Variants in KIAA1328 observed in about 807,000 individuals in gnomAD.
KIAA1328 encodes the protein protein hinderin.
A neutral mutation model predicts 68.1 loss-of-function variants in KIAA1328; 52 were observed. The ratio of observed to expected loss-of-function variants is 0.76; its 90% CI spans 0.61 to 0.96. The LOEUF is 0.96. KIAA1328 is among the 40% of genes least tolerant of loss of function. The probability of loss-of-function intolerance (pLI) is 0.00; values close to 1 mark genes in which losing one functional copy is unlikely to be tolerated. For synonymous variants in KIAA1328, 232 were observed against 239.4 expected (o/e 0.97, Z 0.28); for missense variants, 641 against 677.6 (o/e 0.95, Z 0.60).
intron 5 of KIAA1328, among the ~76,000 whole-genome samples, chr18:36,899,215 A>T (rs1291018516): frequency 2.0e-5 from 3 of 151,832 alleles, no homozygotes; most frequent in Non-Finnish European, 4.4e-5. Context: ...TGCTTTTACT[A>T]ATCATGAATG....
chr18:37,041,045 C>G (rs928368604), intron 6 of KIAA1328, among the ~76,000 whole-genome samples: 1 of 151,780 alleles, frequency 6.6e-6, no homozygotes, highest in African/African-American at 2.4e-5. Context: ...GTAGAGCAAT[C>G]TATAGATAAC....
intron 7 of KIAA1328, among the ~76,000 whole-genome samples, chr18:37,089,371 CTT>C (rs3085910): frequency 0.09 from 8,556 of 94,740 alleles, 966 homozygotes; most frequent in African/African-American, 0.37. Context: ...AAGGTAGTGG[CTT>C]TTTTTTTTTT....
At chr18:36,918,339 C>T (rs2049787986) in intron 5 of KIAA1328, among the ~76,000 whole-genome samples, 2 of 151,310 alleles carry the variant, frequency 1.3e-5, no homozygotes, top group South Asian at 2.1e-4. Context: ...TCCTTCCTTC[C>T]ATTTACTTTG....
intron 6 of KIAA1328, among the ~76,000 whole-genome samples, chr18:37,050,010 A>T (rs1050886482): frequency 2.6e-5 from 4 of 152,148 alleles, no homozygotes; most frequent in African/African-American, 9.7e-5. Flanking sequence ...ATGTATTAGA[A>T]TTTTTTGTTA....
At chr18:37,095,376 A>T (rs1415233972) in intron 7 of KIAA1328, among the ~76,000 whole-genome samples, 1 of 152,212 alleles carries the variant, frequency 6.6e-6, no homozygotes, top group African/African-American at 2.4e-5. Flanking sequence ...ATCATATGAA[A>T]TATTTTATCT....
intron 6 of KIAA1328, among the ~76,000 whole-genome samples, chr18:37,025,914 A>C (rs932885773): frequency 6.6e-6 from 1 of 152,190 alleles, no homozygotes; most frequent in Non-Finnish European, 1.5e-5. Context: ...AAAACCCTTC[A>C]AAAAATCAAT....
At chr18:36,834,432 A>C (rs998445096) in intron 2 of KIAA1328, 77 bp downstream of exon 2, 31 of 1,278,244 alleles carry the variant, frequency 2.4e-5, no homozygotes, top group Non-Finnish European at 3.1e-5. Context: ...CTATTAGAAC[A>C]ATGTTGCGGG....
intron 7 of KIAA1328, among the ~76,000 whole-genome samples, chr18:37,116,853 T>A (rs2058124053): frequency 1.3e-5 from 2 of 152,112 alleles, no homozygotes; most frequent in Non-Finnish European, 2.9e-5. Context: ...GGGTGAAGGA[T>A]ATGAACAGAC....
chr18:36,862,590 T>C (rs1247645285), intron 4 of KIAA1328, among the ~76,000 whole-genome samples: 1 of 152,226 alleles, frequency 6.6e-6, no homozygotes, highest in African/African-American at 2.4e-5. Flanking sequence ...TACTGCAGTT[T>C]GTTTAATCAT....
intron 6 of KIAA1328, among the ~76,000 whole-genome samples, chr18:36,972,556 C>T (rs2052271289): frequency 6.6e-6 from 1 of 152,090 alleles, no homozygotes; most frequent in African/African-American, 2.4e-5. Context: ...AATGTAAGTT[C>T]CAAAACTTCG....
At chr18:37,104,779 A>G (rs901793194) in intron 7 of KIAA1328, among the ~76,000 whole-genome samples, 2 of 152,194 alleles carry the variant, frequency 1.3e-5, no homozygotes, top group Non-Finnish European at 2.9e-5. Flanking sequence ...AATATGTAAC[A>G]ATAAAAAATG....
At chr18:37,117,974 A>G (rs1273554574) in intron 7 of KIAA1328, among the ~76,000 whole-genome samples, 1 of 150,662 alleles carries the variant, frequency 6.6e-6, no homozygotes, top group East Asian at 1.9e-4. Flanking sequence ...AACTGGTCCC[A>G]TGGCCATAAC....
intron 7 of KIAA1328, among the ~76,000 whole-genome samples, chr18:37,154,302 A>G (rs2059106987): frequency 6.6e-6 from 1 of 152,198 alleles, no homozygotes; most frequent in African/African-American, 2.4e-5. Context: ...TGTATTGCCA[A>G]GCTGTGAATC....
intron 5 of KIAA1328, among the ~76,000 whole-genome samples, chr18:36,919,157 T>G (rs1480916421): frequency 6.6e-6 from 1 of 152,220 alleles, no homozygotes; most frequent in African/African-American, 2.4e-5. Flanking sequence ...TGATCTATTT[T>G]ATCATCATGA....
intron 5 of KIAA1328, among the ~76,000 whole-genome samples, chr18:36,918,984 G>A (rs761537822): frequency 1.1e-4 from 17 of 152,124 alleles, no homozygotes; most frequent in African/African-American, 4.1e-4. Context: ...AGTATGTAGT[G>A]TATCTTGATG....
At chr18:37,014,230 T>C (rs1284037542) in intron 6 of KIAA1328, among the ~76,000 whole-genome samples, 1 of 152,240 alleles carries the variant, frequency 6.6e-6, no homozygotes, top group Non-Finnish European at 1.5e-5. Context: ...TTACAAATTA[T>C]GGATATTAGA....
At chr18:37,107,263 T>A (rs2057800744) in intron 7 of KIAA1328, among the ~76,000 whole-genome samples, 1 of 152,038 alleles carries the variant, frequency 6.6e-6, no homozygotes, top group Non-Finnish European at 1.5e-5. Context: ...CAAACAAAAC[T>A]GAATTATCTA....
chr18:37,224,619 T>A lies in KIAA1328; in HGVS notation c.*2392T>A. The A allele has an allele frequency of 1.0e-6, 1 of 980,964 alleles. No homozygotes were observed. The highest frequency in any genetic ancestry group is 4.7e-5 in the South Asian group (1 of 21,204). 60.8% of individuals were successfully genotyped at this position (980,964 alleles called of 1,614,324 possible). Reference sequence around the variant, plus strand: ...TTACTTTGAAATATATACATACATATGAATGAAAGGTTGTTACAGAGCCTC... The same window carrying A: ...TTACTTTGAAATATATACATACATAAGAATGAAAGGTTGTTACAGAGCCTC... On this transcript the variant is annotated 3_prime_UTR_variant, in exon 10 of 10. Coordinates refer to ENST00000280020, the MANE Select transcript of KIAA1328 (RefSeq NM_020776.3).
intron 5 of KIAA1328, among the ~76,000 whole-genome samples, chr18:36,940,432 G>T (rs1051270970): frequency 1.3e-5 from 2 of 152,098 alleles, no homozygotes; most frequent in African/African-American, 4.8e-5. Context: ...ATATAGAAAG[G>T]TTAAACCCAG....
Sources: gnomAD v4.1 joint callset for allele counts (sites outside exome capture counted in the v4.1 genomes callset) on GRCh38, gnomAD v4.1.1 for gene constraint, MANE v1.5 for transcripts, NCBI Gene and HGNC (gene_info 2026-07-23, HGNC 2026-07-21) for gene names.